EFR3B: variants seen among roughly 807,000 people sequenced by gnomAD.
The protein encoded by EFR3B is EFR3 homolog B, also known as protein EFR3 homolog B.
Under a neutral mutation model 104.7 loss-of-function variants are expected in EFR3B, and 64 were observed. The observed-to-expected ratio is 0.61, with a 90% CI of 0.50 to 0.75. EFR3B has a LOEUF of 0.75. EFR3B is among the 30% of genes least tolerant of loss of function. The pLI is 0.00. For synonymous variants in EFR3B, 385 were observed against 417.9 expected, an observed-to-expected ratio of 0.92 and a Z score of 0.96; for missense variants, 750 against 1,078.5, an observed-to-expected ratio of 0.70 and a Z score of 4.27.
intron 1 of EFR3B, among the ~76,000 whole-genome samples, chr2:25,087,626 C>G (rs1173227390): frequency 6.6e-6 from 1 of 152,048 alleles, no homozygotes; most frequent in African/African-American, 2.4e-5. Flanking sequence ...GCACCCGCCA[C>G]CATGCCCAGC....
At chr2:25,089,291 C>G (rs1274169644) in intron 1 of EFR3B, among the ~76,000 whole-genome samples, 3 of 152,144 alleles carry the variant, frequency 2.0e-5, no homozygotes, top group Non-Finnish European at 4.4e-5. Flanking sequence ...CCGTGAGTAC[C>G]CAGGATGGTA....
intron 19 of EFR3B, among the ~76,000 whole-genome samples, chr2:25,149,023 A>G (rs1284716174): frequency 2.0e-5 from 3 of 150,748 alleles, no homozygotes; most frequent in Admixed American, 6.6e-5. Flanking sequence ...CTTGCTTCCA[A>G]TGTTTTCTGT....
chr2:25,110,508 C>T lies in EFR3B; in HGVS notation c.363+6721C>T, dbSNP rs192894994. Among the ~76,000 whole-genome samples the T allele has an allele frequency of 6.6e-5, 10 of 152,278 alleles. No homozygotes were observed. In the East Asian group the frequency reaches 1.9e-3, roughly 29 times the overall value. ...TGGGGGCTGTCCCAGGGGGCTTCTT[C>T]CACTTCCTGTGCCCATCTTCTTCCT... On this transcript the variant is annotated intron_variant, in intron 4 of 22. Transcript: ENST00000403714.
rs758185605 is a variant in EFR3B at position 25,153,761 on chromosome 2, G to A, written c.2348G>A (p.Arg783Gln). ...AATCAGATCTTTGAAATCACCATCC[G>A]GTAAGTGACAACCCTGGGCAGGGGA... ...KLNQIFEITI[R>Q]PPPSPSGTIT... The change falls in exon 22 of 23, where the codon CGG becomes CAG. Residue 783 changes from arginine (R) to glutamine (Q), a missense_variant and splice_region_variant. By Grantham distance (43) the Arg-to-Gln change is conservative. Transcript: ENST00000403714. 16 of 1,551,634 alleles carry A rather than the reference G, an allele frequency of 1.0e-5. No individual in the cohort carries two copies. Among genetic ancestry groups the A allele is most frequent in the Non-Finnish European group, 1.2e-5 (14 of 1,146,986 alleles).
intron 1 of EFR3B, chr2:25,080,946 C>T (rs770545440): frequency 1.4e-5 from 11 of 763,418 alleles, no homozygotes; most frequent in East Asian, 1.2e-4. Context: ...CTGTTCAAGC[C>T]GGAGAGCTTG....
intron 1 of EFR3B, among the ~76,000 whole-genome samples, chr2:25,070,046 T>C (rs763943326): frequency 7.9e-5 from 12 of 152,176 alleles, no homozygotes; most frequent in Non-Finnish European, 1.6e-4. Context: ...ATCAGGTCCT[T>C]GCTGTCGAAA....
chr2:25,058,966 T>C (rs1460318101), intron 1 of EFR3B, among the ~76,000 whole-genome samples: 2 of 151,994 alleles, frequency 1.3e-5, no homozygotes, highest in African/African-American at 2.4e-5. Flanking sequence ...AAGAAATGAA[T>C]GCAAAGACTT....
At chr2:25,103,567 C>T in intron 3 of EFR3B, 70 bp from the exon 4 acceptor site, 2 of 1,507,528 alleles carry the variant, frequency 1.3e-6, no homozygotes, top group Admixed American at 2.1e-5. Context: ...ACACTGACAC[C>T]TTGCATGCCC....
intron 21 of EFR3B, among the ~76,000 whole-genome samples, chr2:25,152,302 A>T (rs1671035245): frequency 6.6e-6 from 1 of 152,226 alleles, no homozygotes; most frequent in South Asian, 2.1e-4. Flanking sequence ...CACATAAGGA[A>T]GAAGTCCTGA....
intron 1 of EFR3B, among the ~76,000 whole-genome samples, chr2:25,054,960 A>G (rs1667978251): frequency 6.6e-6 from 1 of 152,248 alleles, no homozygotes; most frequent in Admixed American, 6.5e-5. Context: ...CAGAGGTGAC[A>G]TCTTTATCTA....
At chr2:25,135,421 A>G (rs1670490685) in intron 12 of EFR3B, 46 bp from the exon 13 acceptor site, 1 of 1,545,376 alleles carries the variant, frequency 6.5e-7, no homozygotes, top group Non-Finnish European at 8.8e-7. Context: ...CCTGCACCTG[A>G]GAGGGACAGC....
chr2:25,067,460 A>T (rs1668369851), intron 1 of EFR3B, among the ~76,000 whole-genome samples: 1 of 148,176 alleles, frequency 6.7e-6, no homozygotes. Flanking sequence ...TTTGAGATAG[A>T]GTCTCACTCT....
chr2:25,130,410 C>A lies in EFR3B; in HGVS notation c.771-142C>A. On this transcript the variant is annotated intron_variant, in intron 7 of 22. Coordinates refer to ENST00000403714, the MANE Select transcript of EFR3B (RefSeq NM_014971.2). The surrounding 1 kb of genome is among the most constrained non-coding windows in gnomAD (Gnocchi z 4.6). ...CTCCAGCACTGGACTGGGACTACCC[C>A]AAGGCCCTTCAGGCTTCACTTCCTC... 1.2e-6 allele frequency: 1 copy of A among 827,306 alleles called. No individual in the cohort carries two copies. Among genetic ancestry groups the A allele is most frequent in the South Asian group, 1.6e-5 (1 of 62,404 alleles). 51.2% of individuals were successfully genotyped at this position (827,306 alleles called of 1,614,324 possible). A position where few individuals can be genotyped will look rare whatever the true frequency, so the allele number is the denominator to read the frequency against.
At position 25,088,554 on chromosome 2, in the gene EFR3B, C is replaced by T. The variant is rs550787820; in HGVS notation, c.8-2771C>T. Among the ~76,000 whole-genome samples, 232 of 152,212 alleles carry T rather than the reference C, an allele frequency of 1.5e-3. 1 individual carries two copies. The highest frequency in any genetic ancestry group is 5.5e-3 in the African/African-American group (229 of 41,542). ...ATGGAAGGGCTCAATGGCACTGGGC[C>T]TGGGGGAAAGCAGAAAGGGGCGGGC... On this transcript the variant is annotated intron_variant, in intron 1 of 22. Coordinates refer to ENST00000403714, the MANE Select transcript of EFR3B (RefSeq NM_014971.2).
intron 15 of EFR3B, among the ~76,000 whole-genome samples, chr2:25,138,071 C>T (rs1454781773): frequency 1.3e-5 from 2 of 152,138 alleles, no homozygotes; most frequent in Admixed American, 6.5e-5. Flanking sequence ...ACTTGGGAGA[C>T]TGAGGCAGGA....
rs1482081385 is a variant in EFR3B at position 25,103,641 on chromosome 2, G to A, written c.217G>A (p.Val73Met). 3 of 1,550,154 alleles carry A rather than the reference G, an allele frequency of 1.9e-6. No individual in the cohort carries two copies. The highest frequency in any genetic ancestry group is 1.2e-5 in the South Asian group (1 of 83,902). ...RDVGRHRYGY[V>M]CIAMEALDQL... ...GGCATGTGCTGCCCTCCCCAGGTAC[G>A]TGTGCATTGCTATGGAGGCTTTGGA... The change falls in exon 4 of 23, where the codon GTG becomes ATG. Residue 73 changes from valine to methionine, a missense_variant. By Grantham distance (21) the Val-to-Met change is conservative (BLOSUM62 1). Transcript: ENST00000403714.
intron 10 of EFR3B, among the ~76,000 whole-genome samples, chr2:25,132,656 G>T (rs1670382394): frequency 6.6e-6 from 1 of 151,126 alleles, no homozygotes; most frequent in South Asian, 2.1e-4. Context: ...TAGCCAAGGA[G>T]TCAAGACCTT....
intron 4 of EFR3B, among the ~76,000 whole-genome samples, chr2:25,118,754 A>AAAAAAAAAAAC (rs1366618799): frequency 6.7e-6 from 1 of 148,854 alleles, no homozygotes; most frequent in African/African-American, 2.5e-5. Flanking sequence ...AAAAAAAAAA[A>AAAAAAAAAAAC]AAAAGGCAGG....
At chr2:25,077,361 C>A (rs1668664744) in intron 1 of EFR3B, among the ~76,000 whole-genome samples, 1 of 152,150 alleles carries the variant, frequency 6.6e-6, no homozygotes, top group Non-Finnish European at 1.5e-5. Flanking sequence ...GATCTCAGCT[C>A]ATTGCAACCT....
Sources: allele counts gnomAD v4.1 joint callset (sites outside exome capture counted in the v4.1 genomes callset), GRCh38; gene constraint gnomAD v4.1.1; non-coding constraint Gnocchi (gnomAD v3.1); transcripts MANE v1.5; gene names NCBI Gene and HGNC (gene_info 2026-07-23, HGNC 2026-07-21).